The following VPS9D1 variants were observed in gnomAD, a reference collection of about 807,000 sequenced individuals.
The protein encoded by VPS9D1 is VPS9 domain-containing protein 1.
In VPS9D1, 78 loss-of-function variants were observed where a neutral mutation model predicts 75.8. That is an observed-to-expected ratio of 1.03 (90% CI 0.86 to 1.24). VPS9D1 has a LOEUF of 1.24. VPS9D1 is among the 50% of genes most tolerant of loss of function. The probability of loss-of-function intolerance (pLI) is 0.00; values close to 1 mark genes in which losing one functional copy is unlikely to be tolerated. For synonymous variants in VPS9D1, 481 were observed against 385.6 expected, an observed-to-expected ratio of 1.25 and a Z score of -2.90; for missense variants, 1,057 against 847.7, an observed-to-expected ratio of 1.25 and a Z score of -3.07.
rs112201797 is a variant in VPS9D1, at chr16:89,712,304, T to C, written c.606+156A>G. On this transcript the variant is annotated intron_variant, in intron 6 of 14. Transcript: ENST00000389386. ...GAACATGGGGGACGGCGGCCGGGCC[T>C]TCCCCTGAGACCCTGCCTCTGCAAA... 2.1e-5 allele frequency: 28 copies of C among 1,342,798 alleles called. 1 individual carries two copies. In the African/African-American group the frequency reaches 2.4e-4, roughly 11 times the overall value. The allele number at this position is 1,342,798 out of a possible 1,614,324, so 83.2% of individuals were successfully genotyped here.
chr16:89,718,326 C>T (rs1380612235), intron 2 of VPS9D1, among the ~76,000 whole-genome samples: 2 of 152,174 alleles, frequency 1.3e-5, no homozygotes, highest in African/African-American at 2.4e-5. Context: ...CCCAGGCTGT[C>T]CTCTCCCTCA....
At chr16:89,720,552 G>A in intron 1 of VPS9D1, 2 of 1,178,880 alleles carry the variant, frequency 1.7e-6, no homozygotes, top group South Asian at 4.1e-5. Context: ...GGAGTGGAAA[G>A]CCAAGGTCCG....
Position 89,709,800 on chromosome 16 carries a change from C to A in VPS9D1, c.1365G>T (p.Trp455Cys), listed in dbSNP as rs374771307. ...CIEEPFFSPL[W>C]PLLLALYRSV... ...ACCTGTACAGGGCCAGCAGCAGAGG[C>A]CACAGCGGGGAGAAAAAGGGTTCCT... The change falls in exon 11 of 15, where the codon TGG becomes TGT. Residue 455 changes from tryptophan (W) to cysteine (C), a missense_variant. Transcript: ENST00000389386. 6.2e-7 allele frequency: 1 copy of A among 1,613,504 alleles called. No individual in the cohort carries two copies. The highest frequency in any genetic ancestry group is 8.5e-7 in the Non-Finnish European group (1 of 1,179,910).
intron 4 of VPS9D1, among the ~76,000 whole-genome samples, chr16:89,713,689 C>T (rs1010306534): frequency 2.0e-5 from 3 of 151,594 alleles, no homozygotes; most frequent in Admixed American, 2.0e-4. Flanking sequence ...GAATGTGGCC[C>T]AACACAAATT....
intron 2 of VPS9D1, chr16:89,717,693 G>A (rs1042348085): frequency 1.8e-5 from 8 of 456,384 alleles, no homozygotes; most frequent in African/African-American, 8.0e-5. Flanking sequence ...GGCCACTGGA[G>A]TTCCTCTGTC....
At chr16:89,716,425 C>G (rs1001069197) in intron 4 of VPS9D1, 37 bp downstream of exon 4, 1 of 1,612,130 alleles carries the variant, frequency 6.2e-7, no homozygotes, top group Admixed American at 1.7e-5. Context: ...AAAACCCAAT[C>G]CCAGGCTCAT....
At chr16:89,709,531 G>T in intron 11 of VPS9D1, 96 bp from the exon 12 acceptor site, 1 of 1,377,096 alleles carries the variant, frequency 7.3e-7, no homozygotes, top group Non-Finnish European at 9.6e-7. Flanking sequence ...GAGAAAACTG[G>T]CTATGTATCT....
At position 89,719,476 on chromosome 16, in the gene VPS9D1, T is replaced by C. The variant is rs559799188; in HGVS notation, c.100-374A>G. ...TGCTGTCATTTTTCATTCTATGCAATGTTTCCTTCTTGTGCAACTCAAGGG... is the reference window on the plus strand; with the variant it reads ...TGCTGTCATTTTTCATTCTATGCAACGTTTCCTTCTTGTGCAACTCAAGGG... On this transcript the variant is annotated intron_variant, in intron 1 of 14. Transcript: ENST00000389386. The C allele has an allele frequency of 8.8e-4, 359 of 407,672 alleles. 1 individual carries two copies. The highest frequency in any genetic ancestry group is 1.3e-3 in the Non-Finnish European group (274 of 204,160). 25.3% of individuals were successfully genotyped at this position (407,672 alleles called of 1,614,324 possible). A position where few individuals can be genotyped will look rare whatever the true frequency, so the allele number is the denominator to read the frequency against.
In VPS9D1 at chr16:89,710,611, C is replaced by T. The variant is rs768067382; in HGVS notation, c.1233G>A (p.Ala411=). The change falls in exon 10 of 15, where the codon GCG becomes GCA. Residue 411 remains alanine (A), a synonymous_variant. Transcript: ENST00000389386. ...CTACGGCATTGTGGATCTCCTCCAC[C>T]GCGGTCTTCAGCTGCTGCAGCTGGG... ...PEPQLQQLKT[A]VEEIHNAVDR... The T allele has an allele frequency of 3.1e-6, 5 of 1,606,932 alleles. No homozygotes were observed. Among genetic ancestry groups the T allele is most frequent in the South Asian group, 2.2e-5 (2 of 90,898 alleles).
At chr16:89,709,515 G>C (rs1005570446) in intron 11 of VPS9D1, 80 bp from the exon 12 acceptor site, 2 of 1,426,806 alleles carry the variant, frequency 1.4e-6, no homozygotes, top group Non-Finnish European at 1.8e-6. Flanking sequence ...CTGGAGCTCA[G>C]TCCTGGAGAA....
chr16:89,709,012 C>A (rs2060853783), intron 12 of VPS9D1, 56 bp from the exon 13 acceptor site: 6 of 1,336,502 alleles, frequency 4.5e-6, no homozygotes, highest in Non-Finnish European at 3.9e-6. Context: ...GCCTGAGCCA[C>A]CCCTTATACC....
intron 2 of VPS9D1, chr16:89,718,103 C>T: frequency 4.4e-6 from 2 of 455,218 alleles, no homozygotes; most frequent in Non-Finnish European, 8.8e-6. Context: ...CCCCTGACCT[C>T]TGTGATCCTT....
chr16:89,713,775 G>A (rs927731273), intron 4 of VPS9D1, among the ~76,000 whole-genome samples: 3 of 151,634 alleles, frequency 2.0e-5, no homozygotes, highest in Non-Finnish European at 4.4e-5. Context: ...TTGGGAGGAT[G>A]AGGCAGGCGG....
intron 1 of VPS9D1, chr16:89,719,356 G>A (rs377655740): frequency 2.2e-4 from 127 of 584,858 alleles, no homozygotes; most frequent in East Asian, 2.0e-3. Context: ...AGCCAGGGAC[G>A]AGCTGGACCT....
In VPS9D1 at chr16:89,718,237, C is replaced by T. The variant is rs1037473516; in HGVS notation, c.175+790G>A. The T allele has an allele frequency of 2.7e-5, 10 of 375,666 alleles. 1 individual carries two copies. The highest frequency in any genetic ancestry group is 7.5e-4 in the Middle Eastern group (2 of 2,656). The allele number at this position is 375,666 out of a possible 1,614,324, so 23.3% of individuals were successfully genotyped here. On this transcript the variant is annotated intron_variant, in intron 2 of 14. Coordinates refer to ENST00000389386, the MANE Select transcript of VPS9D1 (RefSeq NM_004913.3). ...AGTCTGCTCTGTTCCACCTTCAGGA[C>T]GCACCCCGAGGCCGTTTACTGCTCC...
intron 4 of VPS9D1, among the ~76,000 whole-genome samples, chr16:89,714,788 G>A: frequency 6.6e-6 from 1 of 152,060 alleles, no homozygotes. Flanking sequence ...AGGCTGGAGT[G>A]CAGTGGCACG....
At chr16:89,717,367 C>A in intron 2 of VPS9D1, 1 of 354,544 alleles carries the variant, frequency 2.8e-6, no homozygotes, top group South Asian at 2.1e-5. Context: ...GGCCGTTTTA[C>A]AGAGACAAGG....
At chr16:89,715,225 ATTTTTT>A (rs56372825) in intron 4 of VPS9D1, among the ~76,000 whole-genome samples, 1 of 113,656 alleles carries the variant, frequency 8.8e-6, no homozygotes, top group Admixed American at 9.2e-5. Flanking sequence ...TCCCAGCTAA[ATTTTTT>A]TTTTTTTTTT....
chr16:89,720,300 C>T, intron 1 of VPS9D1: 3 of 683,330 alleles, frequency 4.4e-6, no homozygotes, highest in Non-Finnish European at 5.4e-6. Flanking sequence ...GGGCCACACC[C>T]CTCCGGCCTG....
Sources: allele counts gnomAD v4.1 joint callset (sites outside exome capture counted in the v4.1 genomes callset), GRCh38; gene constraint gnomAD v4.1.1; transcripts MANE v1.5; gene names NCBI Gene and HGNC (gene_info 2026-07-23, HGNC 2026-07-21).